The following SEPTIN11 variants were observed in gnomAD, a reference collection of about 807,000 sequenced individuals.
SEPTIN11 encodes septin 11, also known as septin-11.
Under a neutral mutation model 51.4 loss-of-function variants are expected in SEPTIN11, and 25 were observed. That is an observed-to-expected ratio of 0.49 (90% CI 0.35 to 0.68). SEPTIN11 has a LOEUF of 0.68. SEPTIN11 is among the 30% of genes least tolerant of loss of function. SEPTIN11 has a pLI of 0.00. For synonymous variants in SEPTIN11, 174 were observed against 184.1 expected (o/e 0.95, Z 0.44); for missense variants, 381 against 520.8 (o/e 0.73, Z 2.61).
At chr4:77,030,697 G>GTTTTGT in intron 8 of SEPTIN11, 86 bp from the exon 9 acceptor site, 1 of 1,312,874 alleles carries the variant, frequency 7.6e-7, no homozygotes. Context: ...GCCTGGCCAT[G>GTTTTGT]TTTTGTTTTT....
rs767652756 is a variant in SEPTIN11, at chr4:77,030,976, C to A, written c.1274+6C>A. 5.6e-6 allele frequency: 9 copies of A among 1,597,666 alleles called. No individual in the cohort carries two copies. In the South Asian group the frequency reaches 8.0e-5, roughly 14 times the overall value. On this transcript the variant is annotated splice_donor_region_variant and intron_variant, in intron 9 of 9. Coordinates refer to ENST00000264893, the MANE Select transcript of SEPTIN11 (RefSeq NM_018243.4). The stretch of plus-strand genomic sequence containing the variant: ...AAAGACAAGGATAAGAAAAAGTAAG[C>A]AGGTGTCACCCCCCTGTATCGGGGA...
downstream of SEPTIN11, chr4:77,039,706 TG>T (rs1377290746): frequency 1.0e-6 from 1 of 985,324 alleles, no homozygotes; most frequent in Non-Finnish European, 1.2e-6. Context: ...TTTTTTTCTT[TG>T]GAGTGTTCTA....
Position 77,019,157 on chromosome 4 carries a change from C to CT in SEPTIN11, c.688-6dup. On this transcript the variant is annotated splice_polypyrimidine_tract_variant and splice_region_variant and intron_variant, in intron 5 of 9. Transcript: ENST00000264893. ...AAAGTAACTATTCTCTGTCCTTTTGCTTGGCAGGTCCATCTCCCATTTGCA... is the reference window on the plus strand; with the variant it reads ...AAAGTAACTATTCTCTGTCCTTTTGCTTTGGCAGGTCCATCTCCCATTTGCA... 6.2e-7 allele frequency: 1 copy of CT among 1,611,222 alleles called. No homozygotes were observed. Among genetic ancestry groups the CT allele is most frequent in the Non-Finnish European group, 8.5e-7 (1 of 1,178,764 alleles).
chr4:76,996,513 G>C lies in SEPTIN11; in HGVS notation c.116G>C (p.Gly39Ala), dbSNP rs1723729650. The C allele has an allele frequency of 6.2e-7, 1 of 1,613,762 alleles. No individual in the cohort carries two copies. Among genetic ancestry groups the C allele is most frequent in the Non-Finnish European group, 8.5e-7 (1 of 1,179,798 alleles). Residue 39 changes from glycine (G) to alanine (A), a missense_variant, in exon 2 of 10, where the codon GGA becomes GCA. Transcript: ENST00000264893. ...CTGGTCAACAAGTCTACTTCTCAAG[G>C]ATTCTGTTTCAACATCCTTTGTGTT... is the stretch of plus-strand genomic sequence containing the variant. ...DQLVNKSTSQ[G>A]FCFNILCVGE...
At chr4:76,987,946 T>C (rs1487651754) in intron 1 of SEPTIN11, 1 of 378,814 alleles carries the variant, frequency 2.6e-6, no homozygotes, top group Non-Finnish European at 3.6e-6. Context: ...GTACTGTACA[T>C]GTCTCCTCTG....
At chr4:77,029,491 G>A (rs1726436195) in intron 8 of SEPTIN11, among the ~76,000 whole-genome samples, 1 of 151,864 alleles carries the variant, frequency 6.6e-6, no homozygotes, top group Non-Finnish European at 1.5e-5. Flanking sequence ...AATTTATTTT[G>A]TCTAAAAACT....
At chr4:77,016,317 A>T (rs1472806058) in intron 5 of SEPTIN11, among the ~76,000 whole-genome samples, 6 of 151,494 alleles carry the variant, frequency 4.0e-5, no homozygotes, top group Admixed American at 6.6e-5. Context: ...GTGGAGGTAG[A>T]ATTGGAACCC....
intron 5 of SEPTIN11, 68 bp downstream of exon 5, chr4:77,015,085 A>G (rs1725126139): frequency 6.6e-7 from 1 of 1,513,460 alleles, no homozygotes; most frequent in South Asian, 1.2e-5. Flanking sequence ...AGCATTGTAG[A>G]GTGGCTGGAG....
chr4:77,031,313 G>C (rs1024525033), intron 9 of SEPTIN11: 1 of 185,918 alleles, frequency 5.4e-6, no homozygotes, highest in East Asian at 1.4e-4. Flanking sequence ...TCTTGATAGA[G>C]AGCATCCTAA....
At chr4:76,975,302 T>G (rs1465312650) in intron 1 of SEPTIN11, among the ~76,000 whole-genome samples, 1 of 152,106 alleles carries the variant, frequency 6.6e-6, no homozygotes, top group African/African-American at 2.4e-5. Flanking sequence ...CCCAAAGTGT[T>G]TACTATGACT....
chr4:76,997,783 A>G (rs2109937137), intron 2 of SEPTIN11, among the ~76,000 whole-genome samples: 1 of 152,330 alleles, frequency 6.6e-6, no homozygotes, highest in Middle Eastern at 3.4e-3. Context: ...AGAGCAGGGC[A>G]ATTCTTCATT....
chr4:76,975,097 C>G (rs1722426980), intron 1 of SEPTIN11, among the ~76,000 whole-genome samples: 1 of 126,156 alleles, frequency 7.9e-6, no homozygotes, highest in African/African-American at 3.1e-5. Context: ...GCCTGGGTGA[C>G]AGCAAGACTA....
downstream of SEPTIN11, chr4:77,039,029 A>G (rs1054920357): frequency 2.5e-6 from 3 of 1,210,352 alleles, no homozygotes; most frequent in African/African-American, 4.7e-5. Flanking sequence ...TAAGCCATTA[A>G]GAATCAAATT....
intron 5 of SEPTIN11, among the ~76,000 whole-genome samples, 186 bp from the exon 6 acceptor site, chr4:77,018,979 G>A (rs184164853): frequency 9.2e-5 from 14 of 152,228 alleles, no homozygotes; most frequent in South Asian, 4.1e-4. Context: ...AATCTAGCTC[G>A]TGTCTCATAC....
At chr4:76,960,605 T>A (rs181768271) in intron 1 of SEPTIN11, among the ~76,000 whole-genome samples, 29 of 152,326 alleles carry the variant, frequency 1.9e-4, no homozygotes, top group South Asian at 6.2e-4. Flanking sequence ...TCTCATTGAC[T>A]TTATGTAATG....
chr4:76,986,958 C>T (rs562053309), intron 1 of SEPTIN11, among the ~76,000 whole-genome samples: 4 of 152,144 alleles, frequency 2.6e-5, no homozygotes, highest in African/African-American at 4.8e-5. Context: ...AACCCCCACA[C>T]GGCATTAATT....
intron 4 of SEPTIN11, 65 bp downstream of exon 4, chr4:77,011,986 A>T: frequency 7.1e-7 from 1 of 1,401,492 alleles, no homozygotes; most frequent in Non-Finnish European, 9.9e-7. Context: ...TAATGCCCTA[A>T]TTTGTTCTCT....
At chr4:77,008,703 G>A (rs1724656494) in intron 3 of SEPTIN11, among the ~76,000 whole-genome samples, 1 of 152,052 alleles carries the variant, frequency 6.6e-6, no homozygotes, top group Non-Finnish European at 1.5e-5. Context: ...TTTTATGGCT[G>A]GAGGTATATG....
chr4:77,039,403 C>G, downstream of SEPTIN11: 4 of 1,051,176 alleles, frequency 3.8e-6, no homozygotes, highest in Non-Finnish European at 4.6e-6. Flanking sequence ...TTGCTTAGAA[C>G]TATCATGTTC....
Sources: allele counts gnomAD v4.1 joint callset (sites outside exome capture counted in the v4.1 genomes callset), GRCh38; gene constraint gnomAD v4.1.1; transcripts MANE v1.5; gene names NCBI Gene and HGNC (gene_info 2026-07-23, HGNC 2026-07-21).